The following CCDC7 variants were observed in gnomAD, a reference collection of about 807,000 sequenced individuals.
The protein encoded by CCDC7 is coiled-coil domain-containing protein 7.
A neutral mutation model predicts 196.9 loss-of-function variants in CCDC7; 183 were observed. The observed-to-expected ratio is 0.93, with a 90% CI of 0.82 to 1.05. The LOEUF (loss-of-function observed/expected upper bound fraction) is 1.05, where lower values mean the gene tolerates loss of function less well. Among genes scored for constraint, CCDC7 ranks in the 50% least tolerant of loss-of-function variants. The pLI is 0.00. For missense variants in CCDC7, 1,540 were observed against 1,482.2 expected (o/e 1.04, Z -0.64); for synonymous variants, 525 against 484.6 (o/e 1.08, Z -1.10).
chr10:32,741,882 A>C (rs1395812554), intron 28 of CCDC7, among the ~76,000 whole-genome samples: 1 of 152,138 alleles, frequency 6.6e-6, no homozygotes, highest in Non-Finnish European at 1.5e-5. Flanking sequence ...TACACATTTA[A>C]ATTTGTTATA....
At chr10:32,652,554 T>A (rs907159228) in intron 20 of CCDC7, among the ~76,000 whole-genome samples, 17 of 152,146 alleles carry the variant, frequency 1.1e-4, no homozygotes, top group Non-Finnish European at 2.1e-4. Context: ...TTGCTTTTTG[T>A]TTTTAGTATA....
Position 32,700,398 on chromosome 10 carries a change from T to C in CCDC7, c.2458+5406T>C, listed in dbSNP as rs572580270. On this transcript the variant is annotated intron_variant, in intron 24 of 41. Transcript: ENST00000639629. ...GGCATTATTTCTGAGGGCTCTATTGTGTTCCATTGGTCTATATCTCTGTTT... is the reference window on the plus strand; with the variant it reads ...GGCATTATTTCTGAGGGCTCTATTGCGTTCCATTGGTCTATATCTCTGTTT... Among the ~76,000 whole-genome samples the C allele has an allele frequency of 4.8e-5, 7 of 144,510 alleles. 2 individuals are homozygous for C. Among genetic ancestry groups the C allele is most frequent in the Admixed American group, 3.3e-4 (5 of 15,086 alleles). 94.8% of individuals were successfully genotyped at this position (144,510 alleles called of 152,430 possible). A position where few individuals can be genotyped will look rare whatever the true frequency, so the allele number is the denominator to read the frequency against.
intron 21 of CCDC7, among the ~76,000 whole-genome samples, chr10:32,667,235 ATTTG>A (rs938548407): frequency 1.2e-4 from 18 of 152,022 alleles, no homozygotes; most frequent in African/African-American, 4.1e-4. Context: ...TTTCTTGTAA[ATTTG>A]TTTAAGTTCT....
chr10:32,549,621 C>T (rs2053125866), intron 13 of CCDC7, among the ~76,000 whole-genome samples: 2 of 152,256 alleles, frequency 1.3e-5, no homozygotes, highest in Middle Eastern at 3.4e-3. Context: ...CTGTTTCATT[C>T]TCCTACATGT....
intron 26 of CCDC7, among the ~76,000 whole-genome samples, chr10:32,728,223 G>A (rs983341944): frequency 1.3e-5 from 2 of 152,090 alleles, no homozygotes; most frequent in African/African-American, 4.8e-5. Context: ...GTTCTAAGGT[G>A]CCTTTGGTAG....
chr10:32,504,684 G>T (rs139301186), intron 9 of CCDC7, among the ~76,000 whole-genome samples: 6,526 of 152,198 alleles, frequency 0.043, 142 homozygotes, highest in Middle Eastern at 0.065. Context: ...TTAGGAGTGT[G>T]TTAATTTCTA....
intron 3 of CCDC7, 67 bp from the exon 5 acceptor site, chr10:32,462,616 A>G (rs761324106): frequency 9.1e-6 from 11 of 1,212,626 alleles, no homozygotes; most frequent in African/African-American, 1.6e-5. Flanking sequence ...AGACTGAACT[A>G]AATATTATAT....
At chr10:32,821,159 A>C in intron 31 of CCDC7, among the ~76,000 whole-genome samples, 1 of 152,248 alleles carries the variant, frequency 6.6e-6, no homozygotes, top group Non-Finnish European at 1.5e-5. Flanking sequence ...AAGGATATGA[A>C]CAGACACTTC....
chr10:32,500,078 G>A (rs1322297386), intron 9 of CCDC7, among the ~76,000 whole-genome samples: 1 of 152,120 alleles, frequency 6.6e-6, no homozygotes, highest in African/African-American at 2.4e-5. Context: ...CAACAAAACC[G>A]CCACTGTCAT....
intron 23 of CCDC7, among the ~76,000 whole-genome samples, chr10:32,692,847 T>C (rs2077245398): frequency 6.6e-6 from 1 of 152,064 alleles, no homozygotes; most frequent in African/African-American, 2.4e-5. Flanking sequence ...ACTGTGTGAG[T>C]GGGCATGGGA....
chr10:32,450,010 T>C (rs142337982), upstream of CCDC7, among the ~76,000 whole-genome samples: 1 of 152,340 alleles, frequency 6.6e-6, no homozygotes, highest in Non-Finnish European at 1.5e-5. Flanking sequence ...AGCTATGCAA[T>C]TTATAGTGTT....
At chr10:32,496,364 A>G (rs761194753) in intron 9 of CCDC7, among the ~76,000 whole-genome samples, 32 of 152,172 alleles carry the variant, frequency 2.1e-4, no homozygotes, top group Non-Finnish European at 4.0e-4. Flanking sequence ...TCCTAATTGA[A>G]TACACTTTAT....
intron 18 of CCDC7, among the ~76,000 whole-genome samples, chr10:32,630,448 A>T (rs1240083866): frequency 2.0e-5 from 3 of 152,016 alleles, no homozygotes; most frequent in African/African-American, 7.3e-5. Context: ...GCTGTTCTCA[A>T]TGTGAGGTTA....
At chr10:32,523,435 G>A (rs1444363288) in intron 11 of CCDC7, among the ~76,000 whole-genome samples, 1 of 151,950 alleles carries the variant, frequency 6.6e-6, no homozygotes, top group Non-Finnish European at 1.5e-5. Context: ...CGTAGTCCCA[G>A]CTACTCGGGA....
chr10:32,807,969 G>A (rs993634743), intron 30 of CCDC7, among the ~76,000 whole-genome samples: 28 of 152,022 alleles, frequency 1.8e-4, no homozygotes, highest in Admixed American at 1.5e-3. Flanking sequence ...TCCCTACATC[G>A]TAGAGCCCCA....
chr10:32,501,696 G>A (rs1170055950), intron 9 of CCDC7, among the ~76,000 whole-genome samples: 1 of 152,200 alleles, frequency 6.6e-6, no homozygotes, highest in African/African-American at 2.4e-5. Context: ...ATTGCTGCCT[G>A]TTCCTCCCTC....
chr10:32,880,414 T>C (rs2094748819), downstream of CCDC7, among the ~76,000 whole-genome samples: 1 of 152,172 alleles, frequency 6.6e-6, no homozygotes, highest in South Asian at 2.1e-4. Context: ...TTTAAATTTG[T>C]TTAAGTTCCT....
intron 20 of CCDC7, among the ~76,000 whole-genome samples, chr10:32,642,483 G>A (rs543574538): frequency 1.3e-5 from 2 of 152,342 alleles, no homozygotes; most frequent in African/African-American, 4.8e-5. Context: ...TGTGCTGTTT[G>A]CTGACCGTTG....
intron 8 of CCDC7, among the ~76,000 whole-genome samples, chr10:32,488,377 G>A (rs146630407): frequency 0.045 from 6,896 of 152,242 alleles, 521 homozygotes; most frequent in African/African-American, 0.16. Context: ...TCCAGGTGCC[G>A]TCTGTCACCC....
Sources: gnomAD v4.1 joint callset for allele counts (sites outside exome capture counted in the v4.1 genomes callset) on GRCh38, gnomAD v4.1.1 for gene constraint, MANE v1.5 for transcripts, NCBI Gene and HGNC (gene_info 2026-07-23, HGNC 2026-07-21) for gene names.